The following MAN1A2 variants were observed in gnomAD, a reference collection of about 807,000 sequenced individuals.
The protein encoded by MAN1A2 is mannosidase alpha class 1A member 2.
Under a neutral mutation model 75.7 loss-of-function variants are expected in MAN1A2, and 26 were observed. That is an observed-to-expected ratio of 0.34 (90% CI 0.25 to 0.48). The LOEUF (loss-of-function observed/expected upper bound fraction) is 0.48, where lower values mean the gene tolerates loss of function less well. Ranked by LOEUF, MAN1A2 falls within the 20% of genes least tolerant of loss-of-function variation. The pLI, the probability that MAN1A2 is intolerant of heterozygous loss-of-function variation, is 0.99. For missense variants in MAN1A2, 562 were observed against 775.5 expected (o/e 0.72, Z 3.27); for synonymous variants, 247 against 264.6 (o/e 0.93, Z 0.65).
At chr1:117,504,444 CT>C (rs56712136) in intron 12 of MAN1A2, among the ~76,000 whole-genome samples, 5 of 148,510 alleles carry the variant, frequency 3.4e-5, no homozygotes, top group Admixed American at 6.8e-5. Flanking sequence ...CATAGTTTTA[CT>C]TTTTTTTTAG....
chr1:117,431,188 G>C (rs1225222145), intron 5 of MAN1A2, among the ~76,000 whole-genome samples: 1 of 104,196 alleles, frequency 9.6e-6, no homozygotes, highest in East Asian at 3.2e-4. Flanking sequence ...GGGAGACCGT[G>C]GGGAGAGGGA....
intron 1 of MAN1A2, among the ~76,000 whole-genome samples, chr1:117,372,767 C>T (rs1264935426): frequency 2.7e-5 from 4 of 148,670 alleles, no homozygotes; most frequent in Non-Finnish European, 5.9e-5. Context: ...TTTTTTAAAA[C>T]TGACATTTGT....
At chr1:117,380,865 G>C (rs1653313288) in intron 1 of MAN1A2, among the ~76,000 whole-genome samples, 1 of 152,106 alleles carries the variant, frequency 6.6e-6, no homozygotes, top group East Asian at 1.9e-4. Context: ...CATTCCTTAT[G>C]AATCTGAATA....
chr1:117,443,280 T>C (rs970639933), intron 6 of MAN1A2, among the ~76,000 whole-genome samples: 3 of 152,214 alleles, frequency 2.0e-5, no homozygotes, highest in Non-Finnish European at 2.9e-5. Context: ...CAGCAGCATT[T>C]AATACTGAAC....
intron 5 of MAN1A2, among the ~76,000 whole-genome samples, chr1:117,429,618 C>G (rs1648522105): frequency 8.9e-6 from 1 of 112,154 alleles, no homozygotes; most frequent in South Asian, 3.1e-4. Context: ...GGGCGGCTGG[C>G]CGGGCAGAGG....
chr1:117,420,287 T>A (rs1222063563), intron 4 of MAN1A2, among the ~76,000 whole-genome samples: 1 of 152,032 alleles, frequency 6.6e-6, no homozygotes, highest in African/African-American at 2.4e-5. Flanking sequence ...GGGTAATAGT[T>A]AACAGTGTTA....
At chr1:117,500,267 A>T (rs1651159672) in intron 11 of MAN1A2, among the ~76,000 whole-genome samples, 1 of 151,746 alleles carries the variant, frequency 6.6e-6, no homozygotes, top group East Asian at 1.9e-4. Flanking sequence ...CGTAATACAC[A>T]CTCTCTTAGT....
In MAN1A2 at chr1:117,526,496, A is replaced by G. The variant is rs953488500; in HGVS notation, c.*3539A>G. The G allele has an allele frequency of 7.9e-5, 12 of 151,840 alleles. No individual in the cohort carries two copies. The highest frequency in any genetic ancestry group is 2.9e-4 in the African/African-American group (12 of 41,424). The allele number at this position is 151,840 out of a possible 1,614,324, so 9.4% of individuals were successfully genotyped here. A position where few individuals can be genotyped will look rare whatever the true frequency, so the allele number is the denominator to read the frequency against. On this transcript the variant is annotated 3_prime_UTR_variant, in exon 13 of 13. Transcript: ENST00000356554. ...CTAAAACCTCTTGAAAATGTCAAAG[A>G]AATACTTGATTTCTGATGCAACTTT... is the stretch of plus-strand genomic sequence containing the variant.
At chr1:117,424,355 GC>G (rs1648297677) in intron 5 of MAN1A2, among the ~76,000 whole-genome samples, 1 of 152,110 alleles carries the variant, frequency 6.6e-6, no homozygotes, top group Non-Finnish European at 1.5e-5. Context: ...TGCAGTGATA[GC>G]TTTATTCTCT....
At chr1:117,515,439 T>G (rs1369738361) in intron 12 of MAN1A2, 3 of 152,030 alleles carry the variant, frequency 2.0e-5, no homozygotes, top group Non-Finnish European at 4.4e-5. Flanking sequence ...TTTTAGAAAT[T>G]CAGAGAAGGG....
At chr1:117,448,263 AAG>A (rs1649302606) in intron 6 of MAN1A2, among the ~76,000 whole-genome samples, 1 of 152,212 alleles carries the variant, frequency 6.6e-6, no homozygotes, top group African/African-American at 2.4e-5. Flanking sequence ...GTTTTAAAGA[AAG>A]AAAATAAAAT....
At chr1:117,436,923 T>C (rs1648868498) in intron 5 of MAN1A2, among the ~76,000 whole-genome samples, 1 of 152,236 alleles carries the variant, frequency 6.6e-6, no homozygotes, top group South Asian at 2.1e-4. Context: ...AGCTTGCAAA[T>C]ATAATAAAAT....
intron 7 of MAN1A2, among the ~76,000 whole-genome samples, chr1:117,462,109 C>T (rs1181246699): frequency 6.6e-6 from 1 of 151,962 alleles, no homozygotes. Context: ...ATATTAAAGG[C>T]TTAACTTTAA....
At chr1:117,417,415 A>G (rs1648029521) in intron 4 of MAN1A2, among the ~76,000 whole-genome samples, 2 of 149,816 alleles carry the variant, frequency 1.3e-5, no homozygotes, top group Admixed American at 6.7e-5. Flanking sequence ...CATACTTTTC[A>G]TTTGTTTTTA....
intron 9 of MAN1A2, chr1:117,493,775 C>T (rs971700298): frequency 5.9e-5 from 9 of 151,880 alleles, no homozygotes; most frequent in South Asian, 2.1e-4. Flanking sequence ...AGCGAGACTC[C>T]GTGTCAACAA....
chr1:117,457,015 A>T (rs1396100672), intron 6 of MAN1A2, among the ~76,000 whole-genome samples: 1 of 152,062 alleles, frequency 6.6e-6, no homozygotes, highest in Non-Finnish European at 1.5e-5. Context: ...GTGTGTTTGC[A>T]AGCTTTGTTT....
At chr1:117,455,316 G>A (rs1649545658) in intron 6 of MAN1A2, among the ~76,000 whole-genome samples, 1 of 152,122 alleles carries the variant, frequency 6.6e-6, no homozygotes, top group African/African-American at 2.4e-5. Context: ...GTAGTGAGAG[G>A]AAGCAAATTG....
intron 3 of MAN1A2, among the ~76,000 whole-genome samples, chr1:117,408,302 T>TAA (rs1245208449): frequency 0.081 from 9,627 of 119,432 alleles, 406 homozygotes; most frequent in Middle Eastern, 0.14. Context: ...CCCTTTCTCT[T>TAA]AAAAAAAAAA....
At chr1:117,409,950 CAGA>C (rs1394066223) in intron 3 of MAN1A2, among the ~76,000 whole-genome samples, 37 of 151,792 alleles carry the variant, frequency 2.4e-4, no homozygotes, top group Non-Finnish European at 8.8e-5. Context: ...TTCAGGACTC[CAGA>C]GAATACCAAA....
Sources: gnomAD v4.1 joint callset for allele counts (sites outside exome capture counted in the v4.1 genomes callset) on GRCh38, gnomAD v4.1.1 for gene constraint, MANE v1.5 for transcripts, NCBI Gene and HGNC (gene_info 2026-07-23, HGNC 2026-07-21) for gene names.